Variants in TBL1X observed in about 807,000 individuals in gnomAD.
TBL1X encodes the protein transducin beta like 1 X-linked.
Under a neutral mutation model 50.7 loss-of-function variants are expected in TBL1X, and 10 were observed. The ratio of observed to expected loss-of-function variants is 0.20; its 90% CI spans 0.12 to 0.33. The LOEUF (loss-of-function observed/expected upper bound fraction) is 0.33, where lower values mean the gene tolerates loss of function less well. Among genes scored for constraint, TBL1X ranks in the 10% least tolerant of loss-of-function variants. The pLI, the probability that TBL1X is intolerant of heterozygous loss-of-function variation, is 1.00. For missense variants in TBL1X, 340 were observed against 504.4 expected (o/e 0.67, Z 3.12); for synonymous variants, 190 against 214.7 (o/e 0.88, Z 1.01).
intron 2 of TBL1X, among the ~76,000 whole-genome samples, chrX:9,512,582 C>G (rs1192052482): frequency 9.1e-6 from 1 of 109,890 alleles, no homozygotes; most frequent in Admixed American, 9.7e-5. Flanking sequence ...ACTGCAACCT[C>G]CACCTCCCGG....
intron 2 of TBL1X, chrX:9,637,615 G>A (rs775639175): frequency 8.9e-6 from 1 of 111,943 alleles, no homozygotes; most frequent in Non-Finnish European, 1.9e-5. Flanking sequence ...AGGAAACACC[G>A]GATACCATGA....
At chrX:9,523,203 C>T (rs1231152494) in intron 2 of TBL1X, among the ~76,000 whole-genome samples, 1 of 112,160 alleles carries the variant, frequency 8.9e-6, no homozygotes, top group Non-Finnish European at 1.9e-5. Flanking sequence ...GACTCCACTC[C>T]TTTCAGCTGT....
At chrX:9,664,790 T>A (rs1419278125) in intron 5 of TBL1X, among the ~76,000 whole-genome samples, 1 of 111,356 alleles carries the variant, frequency 9.0e-6, no homozygotes, top group Non-Finnish European at 1.9e-5. Flanking sequence ...TTCATTGAGA[T>A]CAGGGTTTCT....
At chrX:9,520,932 T>C (rs993275919) in intron 2 of TBL1X, among the ~76,000 whole-genome samples, 1 of 110,512 alleles carries the variant, frequency 9.0e-6, no homozygotes, top group Admixed American at 9.7e-5. Flanking sequence ...ACCCTGTTTT[T>C]ACAAAAAATA....
chrX:9,681,680 G>T (rs1381792325), intron 5 of TBL1X, among the ~76,000 whole-genome samples: 2 of 112,629 alleles, frequency 1.8e-5, no homozygotes, highest in Non-Finnish European at 3.8e-5. Flanking sequence ...CAGCCATGAG[G>T]TTTGCTTGTC....
At chrX:9,709,587 A>C in intron 14 of TBL1X, 46 bp from the exon 15 acceptor site, 1 of 1,200,151 alleles carries the variant, frequency 8.3e-7, no homozygotes, top group Non-Finnish European at 1.1e-6. Flanking sequence ...TCGTTCCCGG[A>C]TGCAGGAATG....
chrX:9,704,683 A>G (rs1044258904), intron 12 of TBL1X, among the ~76,000 whole-genome samples: 1 of 109,195 alleles, frequency 9.2e-6, no homozygotes, highest in Non-Finnish European at 1.9e-5. Flanking sequence ...TCAGGAGTTC[A>G]AGGCCATCCT....
intron 2 of TBL1X, among the ~76,000 whole-genome samples, chrX:9,573,377 A>G (rs1278327051): frequency 2.7e-5 from 3 of 112,409 alleles, no homozygotes; most frequent in African/African-American, 9.7e-5. Flanking sequence ...TTGGCTGCAA[A>G]TACCACCTTT....
chrX:9,554,987 A>G (rs2082288758), intron 2 of TBL1X, among the ~76,000 whole-genome samples: 1 of 112,367 alleles, frequency 8.9e-6, no homozygotes. Context: ...ATCCAATCAT[A>G]TAACCTGTGG....
intron 9 of TBL1X, 140 bp from the exon 10 acceptor site, chrX:9,693,009 A>G: frequency 1.7e-6 from 1 of 591,919 alleles, no homozygotes; most frequent in Non-Finnish European, 2.8e-6. Context: ...TCAGCATGGT[A>G]TTTTCAATTC....
At chrX:9,474,200 A>C (rs1317696088) in intron 1 of TBL1X, among the ~76,000 whole-genome samples, 1 of 113,109 alleles carries the variant, frequency 8.8e-6, no homozygotes, top group African/African-American at 3.2e-5. Context: ...AATGCATGTT[A>C]CTTGAGTATT....
At chrX:9,577,665 A>G (rs766884976) in intron 2 of TBL1X, among the ~76,000 whole-genome samples, 6 of 111,901 alleles carry the variant, frequency 5.4e-5, no homozygotes, top group East Asian at 2.8e-4. Flanking sequence ...ATGCGCCACG[A>G]TGGAGGAGCC....
intron 2 of TBL1X, among the ~76,000 whole-genome samples, chrX:9,513,335 G>A (rs1235694235): frequency 1.8e-5 from 2 of 110,703 alleles, no homozygotes; most frequent in Non-Finnish European, 3.8e-5. Context: ...TTCCCCTCAC[G>A]AGGTGGCCTG....
intron 8 of TBL1X, 22 bp downstream of exon 8, chrX:9,691,733 G>GC: frequency 8.3e-7 from 1 of 1,208,162 alleles, no homozygotes; most frequent in Admixed American, 2.2e-5. Context: ...AGGGTGGGGG[G>GC]CGCTCCAGAG....
Position 9,719,471 on chromosome X carries a change from C to T in TBL1X, c.*3225C>T, listed in dbSNP as rs768295180. ...TTGTCAAATGCAGAAATGTTCCTTC[C>T]GCCACTCACTGAAGTTTTGCATTCT... On this transcript the variant is annotated 3_prime_UTR_variant, in exon 18 of 18. Transcript: ENST00000645353. The T allele has an allele frequency of 1.2e-4, 13 of 111,443 alleles. No individual in the cohort carries two copies. Among genetic ancestry groups the T allele is most frequent in the Non-Finnish European group, 1.9e-4 (10 of 53,011 alleles). The allele number at this position is 111,443 out of a possible 1,213,427, so 9.2% of individuals were successfully genotyped here.
intron 2 of TBL1X, among the ~76,000 whole-genome samples, chrX:9,517,686 G>C (rs1008368400): frequency 2.8e-4 from 31 of 112,272 alleles, no homozygotes; most frequent in African/African-American, 8.7e-4. Context: ...CCAAATGCCG[G>C]AAGGGTTTCC....
intron 2 of TBL1X, among the ~76,000 whole-genome samples, chrX:9,523,172 C>T (rs781326628): frequency 1.2e-4 from 14 of 112,021 alleles, no homozygotes; most frequent in African/African-American, 4.2e-4. Context: ...TTTTCTCCCT[C>T]GTTGTCATTC....
intron 1 of TBL1X, among the ~76,000 whole-genome samples, chrX:9,467,546 A>G (rs1177333941): frequency 8.9e-6 from 1 of 112,331 alleles, no homozygotes; most frequent in Non-Finnish European, 1.9e-5. Context: ...AGAAGTTGTT[A>G]ATCTTTCACT....
At chrX:9,469,745 C>A (rs11797741) in intron 1 of TBL1X, among the ~76,000 whole-genome samples, 2 of 111,244 alleles carry the variant, frequency 1.8e-5, no homozygotes, top group African/African-American at 6.5e-5. Context: ...ATGTTCATGG[C>A]TCTGTCTCCC....
Sources: gnomAD v4.1 joint callset for allele counts (sites outside exome capture counted in the v4.1 genomes callset) on GRCh38, gnomAD v4.1.1 for gene constraint, MANE v1.5 for transcripts, NCBI Gene and HGNC (gene_info 2026-07-23, HGNC 2026-07-21) for gene names.